The following ATP2B3 variants were observed in gnomAD, a reference collection of about 807,000 sequenced individuals.
The protein encoded by ATP2B3 is plasma membrane calcium-transporting ATPase 3.
Under a neutral mutation model 70.8 loss-of-function variants are expected in ATP2B3, and 12 were observed. The observed-to-expected ratio is 0.17, with a 90% CI of 0.11 to 0.27. The LOEUF (loss-of-function observed/expected upper bound fraction) is 0.27, where lower values mean the gene tolerates loss of function less well. Among genes scored for constraint, ATP2B3 ranks in the 10% least tolerant of loss-of-function variants. The pLI is 1.00. For synonymous variants in ATP2B3, 460 were observed against 497.8 expected (o/e 0.92, Z 1.01); for missense variants, 858 against 1,118.5 (o/e 0.77, Z 3.32).
At chrX:153,561,814 T>C (rs1243433356) in intron 19 of ATP2B3, among the ~76,000 whole-genome samples, 6 of 112,449 alleles carry the variant, frequency 5.3e-5, no homozygotes, top group Non-Finnish European at 7.5e-5. Context: ...CCTCGGCAGG[T>C]TCTAGGGTCC....
chrX:153,548,978 T>G lies in ATP2B3; in HGVS notation c.1338+124T>G. On this transcript the variant is annotated intron_variant, in intron 10 of 21. Transcript: ENST00000263519. ...GGATAGCTCAAGGGAGGAGAGGAGG[T>G]GCCGAGCAGGGACCCAGGGGGCAGC... 3 of 698,332 alleles carry G rather than the reference T, an allele frequency of 4.3e-6. No homozygotes were observed. In the East Asian group the frequency reaches 1.1e-4, roughly 25 times the overall value. The allele number at this position is 698,332 out of a possible 1,213,427, so 57.6% of individuals were successfully genotyped here. A position where few individuals can be genotyped will look rare whatever the true frequency, so the allele number is the denominator to read the frequency against.
chrX:153,558,272 T>G lies in ATP2B3; in HGVS notation c.2594T>G (p.Ile865Ser). The G allele has an allele frequency of 8.3e-7, 1 of 1,211,566 alleles. No individual in the cohort carries two copies. Among genetic ancestry groups the G allele is most frequent in the East Asian group, 3.0e-5 (1 of 33,843 alleles). Residue 865 changes from isoleucine to serine, a missense_variant, in exon 17 of 22, where the codon ATC becomes AGC. Physicochemically the swap from Ile to Ser is moderately radical, Grantham distance 142. Transcript: ENST00000263519. ...CTGACGGTCAATGTGGTGGCTGTGA[T>G]CGTGGCCTTCACAGGTGCCTGCATT... is the stretch of plus-strand genomic sequence containing the variant. ...FQLTVNVVAV[I>S]VAFTGACITQ...
At chrX:153,545,102 G>C (rs868978992) in intron 7 of ATP2B3, among the ~76,000 whole-genome samples, 2 of 107,455 alleles carry the variant, frequency 1.9e-5, no homozygotes, top group South Asian at 4.0e-4. Context: ...CGGGGGGGGG[G>C]CCCTCCCTGC....
intron 2 of ATP2B3, among the ~76,000 whole-genome samples, chrX:153,535,252 C>T (rs1031621818): frequency 6.2e-5 from 7 of 112,401 alleles, no homozygotes; most frequent in Non-Finnish European, 1.1e-4. Flanking sequence ...GGGCCAGGGC[C>T]GTGGCCTGGA....
At chrX:153,536,577 G>A (rs943758797) in intron 3 of ATP2B3, 122 bp downstream of exon 3, 5 of 789,139 alleles carry the variant, frequency 6.3e-6, no homozygotes. Flanking sequence ...CCTCCTCTCA[G>A]CCATTTCCCT....
In ATP2B3 at chrX:153,568,499, C is replaced by T. The variant is rs190322806; in HGVS notation, c.3342+3396C>T. Among the ~76,000 whole-genome samples, 109 of 111,389 alleles carry T rather than the reference C, an allele frequency of 9.8e-4. 2 individuals are homozygous for T. The East Asian group carries it at 0.025, about 26-fold the overall frequency. ...AATCTAGACAGGAGACCCCCCACCC[C>T]GCAAGCCACCGCGACGCCATCACAT... On this transcript the variant is annotated intron_variant, in intron 21 of 21. Coordinates refer to ENST00000263519, the MANE Select transcript of ATP2B3 (RefSeq NM_001001344.3).
intron 7 of ATP2B3, among the ~76,000 whole-genome samples, chrX:153,544,612 C>T (rs1468460027): frequency 1.8e-5 from 2 of 111,653 alleles, no homozygotes; most frequent in Admixed American, 9.4e-5. Flanking sequence ...GACCAGGGGG[C>T]TCCCTGCTCG....
Position 153,541,863 on chromosome X carries a change from G to C in ATP2B3, c.601G>C (p.Gly201Arg). 1 of 1,211,615 alleles carries C rather than the reference G, an allele frequency of 8.3e-7. No homozygotes were observed. The highest frequency in any genetic ancestry group is 1.1e-6 in the Non-Finnish European group (1 of 895,536). Residue 201 changes from glycine (G) to arginine (R), a missense_variant, in exon 5 of 22, where the codon GGG becomes CGG. Physicochemically the swap from Gly to Arg is moderately radical, Grantham distance 125. This residue lies in a region of ATP2B3 where 278 missense variants were observed against 366.2 expected (regional missense o/e 0.76). Transcript: ENST00000263519. Reference protein sequence around the residue: ...QEQKFTVIRNGQLLQVPVAAL... With the variant: ...QEQKFTVIRNRQLLQVPVAAL... ...GCAGAAGTTCACGGTCATCCGGAACGGGCAGCTCCTCCAGGTCCCCGTGGC... is the reference window on the plus strand; with the variant it reads ...GCAGAAGTTCACGGTCATCCGGAACCGGCAGCTCCTCCAGGTCCCCGTGGC...
chrX:153,537,731 C>T (rs1474034874), intron 3 of ATP2B3, among the ~76,000 whole-genome samples: 1 of 112,576 alleles, frequency 8.9e-6, no homozygotes, highest in African/African-American at 3.2e-5. Context: ...CTTGCCCAGC[C>T]CCCGAGGAGG....
At position 153,557,039 on chromosome X, in the gene ATP2B3, C is replaced by T; in HGVS notation, c.2433+16C>T. 1 of 1,159,281 alleles carries T rather than the reference C, an allele frequency of 8.6e-7. No homozygotes were observed. Among genetic ancestry groups the T allele is most frequent in the Non-Finnish European group, 1.2e-6 (1 of 864,671 alleles). On this transcript the variant is annotated intron_variant, in intron 16 of 21. Coordinates refer to ENST00000263519, the MANE Select transcript of ATP2B3 (RefSeq NM_001001344.3). ...CTTCGCCATGGTAAGCCACCTGGTGCCCGCCCAGCTCACCACGGCAGATGG... is the reference window on the plus strand; with the variant it reads ...CTTCGCCATGGTAAGCCACCTGGTGTCCGCCCAGCTCACCACGGCAGATGG...
intron 2 of ATP2B3, among the ~76,000 whole-genome samples, chrX:153,534,762 T>C (rs782734175): frequency 8.8e-6 from 1 of 113,210 alleles, no homozygotes; most frequent in Admixed American, 9.3e-5. Flanking sequence ...TCATGTGCAA[T>C]GTGTCGCGAG....
Position 153,580,357 on chromosome X carries a change from C to A in ATP2B3, c.*59C>A. ...ACTCGGACTCACACGAAGTCACACG[C>A]ACACATGCACGCACACACACATATG... On this transcript the variant is annotated 3_prime_UTR_variant, in exon 22 of 22. Transcript: ENST00000263519. 1 of 1,061,492 alleles carries A rather than the reference C, an allele frequency of 9.4e-7. No individual in the cohort carries two copies. The highest frequency in any genetic ancestry group is 1.3e-6 in the Non-Finnish European group (1 of 777,066). 87.5% of individuals were successfully genotyped at this position (1,061,492 alleles called of 1,213,427 possible). A position where few individuals can be genotyped will look rare whatever the true frequency, so the allele number is the denominator to read the frequency against.
chrX:153,527,562 T>C (rs1407005104), intron 2 of ATP2B3, among the ~76,000 whole-genome samples: 2 of 112,986 alleles, frequency 1.8e-5, no homozygotes, highest in African/African-American at 6.4e-5. Flanking sequence ...AACAAATGAC[T>C]GTCCCCCAAC....
intron 5 of ATP2B3, 101 bp from the exon 6 acceptor site, chrX:153,542,222 G>A: frequency 8.9e-7 from 1 of 1,129,707 alleles, no homozygotes; most frequent in African/African-American, 1.8e-5. Context: ...GAGGGCTCCT[G>A]AGTCCCTTTC....
intron 7 of ATP2B3, among the ~76,000 whole-genome samples, chrX:153,545,069 C>G (rs1407717040): frequency 9.9e-6 from 1 of 101,055 alleles, no homozygotes; most frequent in Admixed American, 1.1e-4. Flanking sequence ...CTGATCAATG[C>G]CCCACCCCTG....
chrX:153,553,181 A>C lies in ATP2B3; in HGVS notation c.1970A>C (p.Gln657Pro). Residue 657 changes from glutamine to proline, a missense_variant, in exon 13 of 22, where the codon CAG becomes CCG. By Grantham distance (76) the Gln-to-Pro change is moderately conservative. Coordinates refer to ENST00000263519, the MANE Select transcript of ATP2B3 (RefSeq NM_001001344.3). ...CIAYRDFSAG[Q>P]EPDWDNENEV... ...GCCTACCGGGACTTCTCTGCAGGCC[A>C]GGAGCCCGACTGGGACAACGAGAAT... 8.3e-7 allele frequency: 1 copy of C among 1,211,967 alleles called. No individual in the cohort carries two copies. The highest frequency in any genetic ancestry group is 1.1e-6 in the Non-Finnish European group (1 of 895,516).
At chrX:153,521,489 A>G (rs1355727796) in intron 2 of ATP2B3, among the ~76,000 whole-genome samples, 1 of 112,691 alleles carries the variant, frequency 8.9e-6, no homozygotes, top group African/African-American at 3.2e-5. Flanking sequence ...GGAAATGCCA[A>G]TGGTTGGGGA....
At chrX:153,564,062 C>T (rs1224702749) in intron 20 of ATP2B3, among the ~76,000 whole-genome samples, 1 of 112,299 alleles carries the variant, frequency 8.9e-6, no homozygotes, top group Non-Finnish European at 1.9e-5. Flanking sequence ...TCTCTTTACT[C>T]CTGCCAGGCT....
chrX:153,533,002 A>G (rs1025606917), intron 2 of ATP2B3: 2 of 111,901 alleles, frequency 1.8e-5, no homozygotes, highest in African/African-American at 6.5e-5. Context: ...AGCCTGTTGC[A>G]TTCATGAAGA....
Sources: allele counts gnomAD v4.1 joint callset (sites outside exome capture counted in the v4.1 genomes callset), GRCh38; gene constraint gnomAD v4.1.1; regional missense constraint gnomAD v4.1.1; transcripts MANE v1.5; gene names NCBI Gene and HGNC (gene_info 2026-07-23, HGNC 2026-07-21).